The following MED13L variants were observed in gnomAD, a reference collection of about 807,000 sequenced individuals.
The protein encoded by MED13L is mediator of RNA polymerase II transcription subunit 13-like.
A neutral mutation model predicts 220.9 loss-of-function variants in MED13L; 7 were observed. That is an observed-to-expected ratio of 0.03 (90% CI 0.02 to 0.06). MED13L has a LOEUF of 0.06. MED13L is among the 10% of genes least tolerant of loss of function. MED13L has a pLI of 1.00. For synonymous variants in MED13L, 1,011 were observed against 1,015.2 expected (o/e 1.00, Z 0.08); for missense variants, 1,965 against 2,760.5 (o/e 0.71, Z 6.46).
chr12:116,186,703 C>T (rs912822629), intron 2 of MED13L, among the ~76,000 whole-genome samples: 1 of 152,170 alleles, frequency 6.6e-6, no homozygotes, highest in African/African-American at 2.4e-5. Context: ...GCTTTTGTTT[C>T]ACTACACCAC....
intron 2 of MED13L, among the ~76,000 whole-genome samples, chr12:116,210,830 TA>T (rs1882653574): frequency 1.3e-5 from 2 of 151,992 alleles, no homozygotes; most frequent in South Asian, 4.2e-4. Context: ...TGATAATGAA[TA>T]AAGAAACTTC....
At chr12:116,178,981 C>T (rs887193210) in intron 2 of MED13L, among the ~76,000 whole-genome samples, 2 of 152,060 alleles carry the variant, frequency 1.3e-5, no homozygotes, top group African/African-American at 4.8e-5. Flanking sequence ...TTTCCCCTAC[C>T]CATTTTGAAT....
chr12:116,177,219 C>G (rs1256911572), intron 2 of MED13L, among the ~76,000 whole-genome samples: 1 of 152,094 alleles, frequency 6.6e-6, no homozygotes, highest in African/African-American at 2.4e-5. Context: ...CTCATGACCC[C>G]TCCCCAGGCA....
chr12:116,079,938 C>T (rs1871110951), intron 4 of MED13L, among the ~76,000 whole-genome samples: 1 of 151,992 alleles, frequency 6.6e-6, no homozygotes, highest in African/African-American at 2.4e-5. Context: ...TTGTCCAACC[C>T]GTAAACCATG....
At chr12:116,027,785 G>A (rs189940043) in intron 4 of MED13L, among the ~76,000 whole-genome samples, 1 of 152,282 alleles carries the variant, frequency 6.6e-6, no homozygotes, top group Admixed American at 6.5e-5. Flanking sequence ...GCTAAAAATG[G>A]TGAAATAAAA....
intron 4 of MED13L, among the ~76,000 whole-genome samples, chr12:116,022,909 A>T (rs1880146323): frequency 6.6e-6 from 1 of 152,238 alleles, no homozygotes; most frequent in South Asian, 2.1e-4. Context: ...GAATTGGAAT[A>T]GTTTTCTATT....
At chr12:116,020,292 A>G (rs1358048439) in intron 5 of MED13L, among the ~76,000 whole-genome samples, 1 of 136,064 alleles carries the variant, frequency 7.3e-6, no homozygotes, top group Non-Finnish European at 1.7e-5. Context: ...ACCTCCCACA[A>G]TTTTTAAACG....
intron 1 of MED13L, among the ~76,000 whole-genome samples, chr12:116,254,894 T>C (rs1314018087): frequency 6.6e-6 from 1 of 152,072 alleles, no homozygotes; most frequent in African/African-American, 2.4e-5. Flanking sequence ...TTGAGAGAAA[T>C]TAAATATCTA....
intron 2 of MED13L, among the ~76,000 whole-genome samples, chr12:116,146,212 T>C (rs1034617285): frequency 2.0e-5 from 3 of 152,182 alleles, no homozygotes; most frequent in African/African-American, 4.8e-5. Context: ...AACCTCCACC[T>C]CCTGGGTTCA....
intron 10 of MED13L, chr12:116,008,121 T>C (rs1879166574): frequency 2.2e-6 from 1 of 453,308 alleles, no homozygotes; most frequent in Middle Eastern, 5.8e-4. Context: ...TAAAGCTATA[T>C]TCTTTAATTA....
chr12:115,967,170 C>CAAAA (rs34377158), intron 28 of MED13L, among the ~76,000 whole-genome samples: 1,055 of 45,130 alleles, frequency 0.023, 77 homozygotes, highest in South Asian at 0.028. Flanking sequence ...GACTCTGTCT[C>CAAAA]AAAAAAAAAA....
intron 2 of MED13L, among the ~76,000 whole-genome samples, chr12:116,208,023 T>C (rs1445657655): frequency 6.6e-6 from 1 of 152,148 alleles, no homozygotes; most frequent in African/African-American, 2.4e-5. Context: ...CAGTGACTAG[T>C]TAAGAGTCGT....
intron 1 of MED13L, among the ~76,000 whole-genome samples, chr12:116,256,302 A>C (rs1017803059): frequency 6.6e-6 from 1 of 152,060 alleles, no homozygotes; most frequent in African/African-American, 2.4e-5. Context: ...AAAAAAAAAA[A>C]AAACCCTACT....
intron 23 of MED13L, among the ~76,000 whole-genome samples, chr12:115,979,506 C>G (rs1470480832): frequency 6.6e-6 from 1 of 152,162 alleles, no homozygotes; most frequent in Non-Finnish European, 1.5e-5. Flanking sequence ...TTATATAACA[C>G]TGGAGTGAAT....
At chr12:116,105,209 A>G (rs1873452551) in intron 3 of MED13L, among the ~76,000 whole-genome samples, 2 of 152,222 alleles carry the variant, frequency 1.3e-5, no homozygotes, top group African/African-American at 4.8e-5. Context: ...CTGAACTTAA[A>G]ACACAAAGTG....
At chr12:116,054,368 A>G (rs1006195759) in intron 4 of MED13L, among the ~76,000 whole-genome samples, 2 of 152,164 alleles carry the variant, frequency 1.3e-5, no homozygotes, top group Non-Finnish European at 2.9e-5. Flanking sequence ...CTTGATTAAA[A>G]CCAAAATATA....
In MED13L at chr12:115,987,032, C is replaced by CT; in HGVS notation, c.4114+76dup. The CT allele has an allele frequency of 2.1e-6, 3 of 1,446,918 alleles. No homozygotes were observed. In the East Asian group the frequency reaches 6.9e-5, roughly 33 times the overall value. 89.6% of individuals were successfully genotyped at this position (1,446,918 alleles called of 1,614,324 possible). On this transcript the variant is annotated intron_variant, in intron 18 of 30. Coordinates refer to ENST00000281928, the MANE Select transcript of MED13L (RefSeq NM_015335.5). ...CCCTATTTTGTTAGTGACGCAAGGA[C>CT]TTGACAGTAACTAACGCTGCTCTTC...
rs185236770 is a variant in MED13L, at chr12:116,262,145, T to A, written c.72+14915A>T. 3.4e-3 allele frequency among the ~76,000 whole-genome samples: 523 copies of A among 152,314 alleles called. 1 individual carries two copies. Among genetic ancestry groups the A allele is most frequent in the Non-Finnish European group, 5.4e-3 (364 of 68,016 alleles). On this transcript the variant is annotated intron_variant, in intron 1 of 30. Coordinates refer to ENST00000281928, the MANE Select transcript of MED13L (RefSeq NM_015335.5). ...GGTATTAAAGAAAAGGTAAATTTAA[T>A]AAAAGAATATTTGCAATGATGTCTA...
At chr12:116,003,613 G>C (rs1214846688) in intron 13 of MED13L, among the ~76,000 whole-genome samples, 1 of 151,484 alleles carries the variant, frequency 6.6e-6, no homozygotes, top group African/African-American at 2.4e-5. Context: ...GAAATATTCA[G>C]AAGGTTTTTC....
Sources: allele counts gnomAD v4.1 joint callset (sites outside exome capture counted in the v4.1 genomes callset), GRCh38; gene constraint gnomAD v4.1.1; transcripts MANE v1.5; gene names NCBI Gene and HGNC (gene_info 2026-07-23, HGNC 2026-07-21).